Variants in DERA observed in about 807,000 individuals in gnomAD.
DERA encodes 2-deoxy-D-ribose 5-phosphate aldolase.
In DERA, 15 loss-of-function variants were observed where a neutral mutation model predicts 41.1. The observed-to-expected ratio is 0.37, with a 90% CI of 0.24 to 0.56. The LOEUF is 0.56. DERA is among the 20% of genes least tolerant of loss of function. The pLI is 0.81. For synonymous variants in DERA, 139 were observed against 137.4 expected (o/e 1.01, Z -0.08); for missense variants, 396 against 403.4 (o/e 0.98, Z 0.16).
intron 1 of DERA, among the ~76,000 whole-genome samples, chr12:15,917,689 G>A (rs936267379): frequency 2.6e-5 from 4 of 152,156 alleles, no homozygotes; most frequent in African/African-American, 9.7e-5. Context: ...CAACGGTCCC[G>A]GACCTTTTTG....
intron 7 of DERA, among the ~76,000 whole-genome samples, chr12:16,034,466 G>A (rs10846270): frequency 0.056 from 8,454 of 152,132 alleles, 646 homozygotes; most frequent in East Asian, 0.4. Context: ...GTCCATCCTA[G>A]TTTTATTAAG....
At chr12:15,932,649 A>C (rs1211172888) in intron 1 of DERA, among the ~76,000 whole-genome samples, 1 of 152,120 alleles carries the variant, frequency 6.6e-6, no homozygotes, top group Non-Finnish European at 1.5e-5. Context: ...TTAAAAAAAA[A>C]AAAGTTTCAC....
intron 6 of DERA, among the ~76,000 whole-genome samples, chr12:15,997,616 T>A (rs754396731): frequency 9.8e-5 from 15 of 152,310 alleles, no homozygotes; most frequent in Non-Finnish European, 1.6e-4. Context: ...GGAAACTACA[T>A]ATCTAAAGAC....
At chr12:15,975,078 A>C (rs1948687977) in intron 5 of DERA, among the ~76,000 whole-genome samples, 1 of 152,208 alleles carries the variant, frequency 6.6e-6, no homozygotes, top group Non-Finnish European at 1.5e-5. Flanking sequence ...TGCTGCCTAC[A>C]CAGAGCTAGT....
chr12:15,990,213 G>C lies in DERA; in HGVS notation c.637+7777G>C, dbSNP rs566337920. 2.6e-5 allele frequency among the ~76,000 whole-genome samples: 4 copies of C among 152,140 alleles called. No homozygotes were observed. Among genetic ancestry groups the C allele is most frequent in the Non-Finnish European group, 5.9e-5 (4 of 68,042 alleles). On this transcript the variant is annotated intron_variant, in intron 6 of 8. Coordinates refer to ENST00000428559, the MANE Select transcript of DERA (RefSeq NM_015954.4). The surrounding 1 kb of genome is among the most constrained non-coding windows in gnomAD (Gnocchi z 4.3). ...AAAACCATTTGGTGTAGCTGTAGGG[G>C]AGACAAATGACATTGAGCTGGATTT...
intron 3 of DERA, 64 bp downstream of exon 3, chr12:15,958,399 G>C: frequency 7.5e-7 from 1 of 1,329,080 alleles, no homozygotes; most frequent in Non-Finnish European, 1.0e-6. Flanking sequence ...CTAAATCAAA[G>C]ACGACTTAAG....
intron 6 of DERA, among the ~76,000 whole-genome samples, chr12:15,986,199 T>A (rs1049018491): frequency 1.3e-5 from 2 of 152,166 alleles, no homozygotes; most frequent in Admixed American, 6.5e-5. Flanking sequence ...TGGTATATAT[T>A]TTTTTCCATC....
In DERA at chr12:15,924,147, G is replaced by A. The variant is rs944960216; in HGVS notation, c.31+12733G>A. Among the ~76,000 whole-genome samples, 2 of 152,172 alleles carry A rather than the reference G, an allele frequency of 1.3e-5. No homozygotes were observed. The highest frequency in any genetic ancestry group is 2.9e-5 in the Non-Finnish European group (2 of 68,030). On this transcript the variant is annotated intron_variant, in intron 1 of 8. Transcript: ENST00000428559. This position sits in a 1 kb window ranked among gnomAD's most constrained non-coding sequence, Gnocchi z 5.0. The stretch of plus-strand genomic sequence containing the variant: ...AAATTCTATTAAAATTATATATGTG[G>A]TTGGGTTAGGTGGCTTATGCCTGTA...
rs961273079 is a variant in DERA, at chr12:15,918,463, G to C, written c.31+7049G>C. 3.3e-5 allele frequency among the ~76,000 whole-genome samples: 5 copies of C among 152,184 alleles called. No homozygotes were observed. Among genetic ancestry groups the C allele is most frequent in the African/African-American group, 1.2e-4 (5 of 41,438 alleles). On this transcript the variant is annotated intron_variant, in intron 1 of 8. Coordinates refer to ENST00000428559, the MANE Select transcript of DERA (RefSeq NM_015954.4). The surrounding 1 kb of genome is among the most constrained non-coding windows in gnomAD (Gnocchi z 4.3). The stretch of plus-strand genomic sequence containing the variant: ...TGGTGCCCCCATTTCAACCCGGCTT[G>C]AATGACTACGTTGTTCACCTCCTCT...
In DERA at chr12:16,029,054, T is replaced by G. The variant is rs189134636; in HGVS notation, c.638-3488T>G. The stretch of plus-strand genomic sequence containing the variant: ...ATAAGATAGTAATAATAGGGAAAAC[T>G]GGGTGTGGGGTATATGGAAACTCTG... On this transcript the variant is annotated intron_variant, in intron 6 of 8. Coordinates refer to ENST00000428559, the MANE Select transcript of DERA (RefSeq NM_015954.4). 2.2e-3 allele frequency among the ~76,000 whole-genome samples: 328 copies of G among 152,286 alleles called. 2 individuals are homozygous for G. Among genetic ancestry groups the G allele is most frequent in the African/African-American group, 7.3e-3 (305 of 41,550 alleles).
At chr12:15,971,945 C>T (rs756697548) in intron 5 of DERA, 46 of 287,152 alleles carry the variant, frequency 1.6e-4, no homozygotes, top group Admixed American at 2.4e-4. Context: ...TTCTTTTTGG[C>T]TTCTGTCCTT....
rs1948572205 is a variant in DERA at position 15,960,008 on chromosome 12, A to G, written c.373+84A>G. Reference sequence around the variant, plus strand: ...AATGGGGTATTATATGTAGGTTTGTACTATGATTTAAATTAGTTTATGTAT... The same window carrying G: ...AATGGGGTATTATATGTAGGTTTGTGCTATGATTTAAATTAGTTTATGTAT... On this transcript the variant is annotated intron_variant, in intron 4 of 8. Transcript: ENST00000428559. The G allele has an allele frequency of 8.2e-6, 8 of 970,308 alleles. No homozygotes were observed. In the South Asian group the frequency reaches 1.3e-4, roughly 16 times the overall value. 60.1% of individuals were successfully genotyped at this position (970,308 alleles called of 1,614,324 possible).
chr12:16,003,798 C>G lies in DERA; in HGVS notation c.637+21362C>G, dbSNP rs1161305857. 6.6e-6 allele frequency among the ~76,000 whole-genome samples: 1 copy of G among 152,176 alleles called. No individual in the cohort carries two copies. Among genetic ancestry groups the G allele is most frequent in the Non-Finnish European group, 1.5e-5 (1 of 68,034 alleles). On this transcript the variant is annotated intron_variant, in intron 6 of 8. Transcript: ENST00000428559. The surrounding 1 kb of genome is among the most constrained non-coding windows in gnomAD (Gnocchi z 4.8). ...CTCACTGCCCCTTCCCCGCAAAACC[C>G]TCTTTGTATCACCATCTTGAGATTC...
rs1487424398 is a variant in DERA, at chr12:15,999,640, G to C, written c.637+17204G>C. ...TGGGCTGGAGAGTAAATGGAAAGTG[G>C]CAGAAGAGGTGGGGATGAAGCTAGT... On this transcript the variant is annotated intron_variant, in intron 6 of 8. Transcript: ENST00000428559. The surrounding 1 kb of genome is among the most constrained non-coding windows in gnomAD (Gnocchi z 5.3). Among the ~76,000 whole-genome samples the C allele has an allele frequency of 3.9e-5, 6 of 152,280 alleles. No individual in the cohort carries two copies. Among genetic ancestry groups the C allele is most frequent in the Admixed American group, 3.9e-4 (6 of 15,290 alleles).
chr12:15,911,856 C>A lies in DERA; in HGVS notation c.31+442C>A. 2.3e-6 allele frequency: 1 copy of A among 440,368 alleles called. No homozygotes were observed. Among genetic ancestry groups the A allele is most frequent in the Non-Finnish European group, 4.6e-6 (1 of 219,618 alleles). 27.3% of individuals were successfully genotyped at this position (440,368 alleles called of 1,614,324 possible). A position where few individuals can be genotyped will look rare whatever the true frequency, so the allele number is the denominator to read the frequency against. ...AATTTTAACCGTAACCTTGAAGTGG[C>A]CGTGCTCGTGGAAAAGTTGTCAGCC... On this transcript the variant is annotated intron_variant, in intron 1 of 8. Transcript: ENST00000428559. This position sits in a 1 kb window ranked among gnomAD's most constrained non-coding sequence, Gnocchi z 4.5.
chr12:15,961,966 C>T (rs754561518), intron 4 of DERA, among the ~76,000 whole-genome samples: 1 of 152,112 alleles, frequency 6.6e-6, no homozygotes, highest in Admixed American at 6.5e-5. Flanking sequence ...CTAGTCTCAA[C>T]CTCTTCACCT....
chr12:15,953,111 T>G (rs1483131222), intron 1 of DERA, among the ~76,000 whole-genome samples: 1 of 152,166 alleles, frequency 6.6e-6, no homozygotes, highest in Admixed American at 6.5e-5. Context: ...AAAATGTCTC[T>G]AGACTGAGAA....
chr12:15,927,534 G>C (rs1948295973), intron 1 of DERA, among the ~76,000 whole-genome samples: 1 of 152,078 alleles, frequency 6.6e-6, no homozygotes, highest in Non-Finnish European at 1.5e-5. Flanking sequence ...TAAAAAGTTA[G>C]GCATCAGGAG....
rs1948595524 is a variant in DERA at position 15,962,650 on chromosome 12, T to G, written c.374-163T>G. ...TCACACTTATGCATAAGTGATGTTC[T>G]TAAGTGTCAGTGCATTGGTCTTTAA... On this transcript the variant is annotated intron_variant, in intron 4 of 8. Coordinates refer to ENST00000428559, the MANE Select transcript of DERA (RefSeq NM_015954.4). The G allele has an allele frequency of 5.5e-6, 3 of 546,860 alleles. No homozygotes were observed. In the South Asian group the frequency reaches 8.5e-5, roughly 15 times the overall value. 33.9% of individuals were successfully genotyped at this position (546,860 alleles called of 1,614,324 possible).
Sources: gnomAD v4.1 joint callset for allele counts (sites outside exome capture counted in the v4.1 genomes callset) on GRCh38, gnomAD v4.1.1 for gene constraint, Gnocchi (gnomAD v3.1) non-coding constraint, MANE v1.5 for transcripts, NCBI Gene and HGNC (gene_info 2026-07-23, HGNC 2026-07-21) for gene names.